Variants in SNX6 observed in about 807,000 individuals in gnomAD.
The protein encoded by SNX6 is sorting nexin 6.
Under a neutral mutation model 63.0 loss-of-function variants are expected in SNX6, and 34 were observed. The ratio of observed to expected loss-of-function variants is 0.54; its 90% CI spans 0.41 to 0.72. The LOEUF (loss-of-function observed/expected upper bound fraction) is 0.72. SNX6 is among the 30% of genes least tolerant of loss of function. The pLI is 0.00. For synonymous variants in SNX6, 170 were observed against 164.2 expected (o/e 1.04, Z -0.27); for missense variants, 398 against 471.4 (o/e 0.84, Z 1.44).
intron 8 of SNX6, among the ~76,000 whole-genome samples, chr14:34,592,635 C>T (rs1882442065): frequency 6.6e-6 from 1 of 152,156 alleles, no homozygotes; most frequent in African/African-American, 2.4e-5. Context: ...TCCATCACAG[C>T]TCACTGCAGC....
At chr14:34,584,691 C>G (rs188844215) in intron 9 of SNX6, among the ~76,000 whole-genome samples, 2 of 152,008 alleles carry the variant, frequency 1.3e-5, no homozygotes, top group Non-Finnish European at 2.9e-5. Context: ...GGTTCTTCCA[C>G]TCTCTTACAC....
At chr14:34,572,662 G>T (rs1289503275) in intron 11 of SNX6, among the ~76,000 whole-genome samples, 1 of 151,572 alleles carries the variant, frequency 6.6e-6, no homozygotes. Context: ...GTGCTTTTCA[G>T]TTATTTGTGT....
intron 8 of SNX6, among the ~76,000 whole-genome samples, chr14:34,591,570 A>AG (rs969062610): frequency 2.6e-4 from 39 of 152,054 alleles, no homozygotes; most frequent in Non-Finnish European, 8.8e-5. Flanking sequence ...ATTGCACTCC[A>AG]GCCTGGGCAA....
At chr14:34,582,345 G>A (rs1361641209) in intron 9 of SNX6, among the ~76,000 whole-genome samples, 1 of 151,820 alleles carries the variant, frequency 6.6e-6, no homozygotes, top group African/African-American at 2.4e-5. Context: ...TTAAAAATTA[G>A]CCAGGTGTGG....
chr14:34,567,257 C>A (rs1221671688), intron 13 of SNX6, among the ~76,000 whole-genome samples: 1 of 151,754 alleles, frequency 6.6e-6, no homozygotes, highest in African/African-American at 2.4e-5. Flanking sequence ...GAGGCTGAGG[C>A]AGGAGGATCA....
intron 13 of SNX6, among the ~76,000 whole-genome samples, 196 bp downstream of exon 13, chr14:34,567,490 A>AAAAAC (rs578164633): frequency 7.0e-4 from 106 of 152,318 alleles, no homozygotes; most frequent in Non-Finnish European, 1.3e-3. Context: ...TCTGTCTCAA[A>AAAAAC]AAAACAAAAC....
intron 3 of SNX6, 30 bp downstream of exon 3, chr14:34,609,608 A>C: frequency 1.4e-6 from 2 of 1,460,310 alleles, no homozygotes; most frequent in South Asian, 2.3e-5. Flanking sequence ...TAAATGGCTA[A>C]AATAATAGAA....
chr14:34,570,713 A>T (rs923315078), intron 11 of SNX6, among the ~76,000 whole-genome samples: 4 of 135,000 alleles, frequency 3.0e-5, no homozygotes, highest in Non-Finnish European at 6.3e-5. Flanking sequence ...GAGCCACCGC[A>T]CCTGGCCTTC....
At chr14:34,583,832 A>C (rs1441833503) in intron 9 of SNX6, among the ~76,000 whole-genome samples, 1 of 144,454 alleles carries the variant, frequency 6.9e-6, no homozygotes, top group African/African-American at 2.6e-5. Flanking sequence ...AAGAAGAATT[A>C]ACTCTTTGGG....
chr14:34,628,995 T>A (rs1883933112), intron 2 of SNX6, among the ~76,000 whole-genome samples: 1 of 151,998 alleles, frequency 6.6e-6, no homozygotes, highest in Non-Finnish European at 1.5e-5. Context: ...TGAAGTAGAA[T>A]GCAACTAACC....
At chr14:34,605,380 T>C (rs772630330) in intron 5 of SNX6, 25 of 322,606 alleles carry the variant, frequency 7.7e-5, no homozygotes, top group African/African-American at 1.9e-4. Flanking sequence ...AAATATGAAT[T>C]TAAATAACTT....
chr14:34,618,859 C>A (rs183430786), intron 2 of SNX6, among the ~76,000 whole-genome samples: 29 of 152,294 alleles, frequency 1.9e-4, no homozygotes, highest in Non-Finnish European at 3.1e-4. Context: ...AAAATCCCTA[C>A]TCCTCCCTCA....
chr14:34,615,428 C>T (rs1233298839), intron 2 of SNX6, among the ~76,000 whole-genome samples: 2 of 152,198 alleles, frequency 1.3e-5, no homozygotes, highest in Non-Finnish European at 2.9e-5. Context: ...CCCTATGTTG[C>T]TCAGGCTGTT....
chr14:34,574,923 C>T (rs1240749293), intron 11 of SNX6, among the ~76,000 whole-genome samples: 1 of 151,950 alleles, frequency 6.6e-6, no homozygotes, highest in African/African-American at 2.4e-5. Context: ...CAGAGTTTCA[C>T]TCTTGTTGCC....
chr14:34,592,937 G>C (rs1433811508), intron 8 of SNX6, 108 bp downstream of exon 8: 1 of 772,742 alleles, frequency 1.3e-6, no homozygotes, highest in Non-Finnish European at 2.1e-6. Context: ...GGCTCCAACA[G>C]ACCAGTTTGA....
chr14:34,573,682 A>G (rs1207280234), intron 11 of SNX6, among the ~76,000 whole-genome samples: 2 of 151,280 alleles, frequency 1.3e-5, no homozygotes, highest in Non-Finnish European at 2.9e-5. Flanking sequence ...TTTGTCGCCC[A>G]GGCTGGAATG....
At chr14:34,565,443 A>G (rs1233149232) in intron 13 of SNX6, among the ~76,000 whole-genome samples, 4 of 151,716 alleles carry the variant, frequency 2.6e-5, no homozygotes, top group Non-Finnish European at 4.4e-5. Context: ...TTCCCTCCTC[A>G]CAGACTACAA....
chr14:34,607,085 T>C (rs1883049093), intron 4 of SNX6, among the ~76,000 whole-genome samples: 1 of 151,324 alleles, frequency 6.6e-6, no homozygotes, highest in South Asian at 2.1e-4. Flanking sequence ...GCCCCAACCA[T>C]GGTTTTAAAA....
Position 34,629,414 on chromosome 14 carries a change from C to T in SNX6, c.54+493G>A, listed in dbSNP as rs1029025642. 9.5e-5 allele frequency: 43 copies of T among 452,666 alleles called. 1 individual carries two copies. The Admixed American group carries it at 9.7e-4, about 10-fold the overall frequency. The allele number at this position is 452,666 out of a possible 1,614,324, so 28.0% of individuals were successfully genotyped here. On this transcript the variant is annotated intron_variant, in intron 2 of 13. Coordinates refer to ENST00000362031, the MANE Select transcript of SNX6 (RefSeq NM_152233.4). ...GTAGGGCACTGGACAGGAGTTGATTCGGCTACTATAAAAATCCTTGCAAAA... is the reference window on the plus strand; with the variant it reads ...GTAGGGCACTGGACAGGAGTTGATTTGGCTACTATAAAAATCCTTGCAAAA...
Sources: gnomAD v4.1 joint callset for allele counts (sites outside exome capture counted in the v4.1 genomes callset) on GRCh38, gnomAD v4.1.1 for gene constraint, MANE v1.5 for transcripts, NCBI Gene and HGNC (gene_info 2026-07-23, HGNC 2026-07-21) for gene names.